Variants in SF3A1 observed in about 807,000 individuals in gnomAD.
SF3A1 encodes the protein splicing factor 3a subunit 1, also known as SAP 114.
Under a neutral mutation model 89.9 loss-of-function variants are expected in SF3A1, and 13 were observed. The observed-to-expected ratio is 0.14, with a 90% CI of 0.09 to 0.23. The LOEUF is 0.23. Ranked by LOEUF, SF3A1 falls within the 10% of genes least tolerant of loss-of-function variation. SF3A1 has a pLI of 1.00. For missense variants in SF3A1, 604 were observed against 1,022.1 expected (o/e 0.59, Z 5.58); for synonymous variants, 405 against 374.4 (o/e 1.08, Z -0.94).
intron 1 of SF3A1, among the ~76,000 whole-genome samples, chr22:30,355,443 C>T (rs544008425): frequency 1.3e-5 from 2 of 152,330 alleles, no homozygotes; most frequent in South Asian, 4.1e-4. Flanking sequence ...GCCCTAATCT[C>T]GGCCAGGCCT....
Position 30,346,453 on chromosome 22 carries a change from C to G in SF3A1, c.252G>C (p.Leu84=), listed in dbSNP as rs775458438. ...NEINNPKFNF[L]NPNDPYHAYY... ...AGGCATGGTAAGGGTCATTGGGGTTCAGAAAGTTGAACTTGGGGTTGTTGA... is the reference window on the plus strand; with the variant it reads ...AGGCATGGTAAGGGTCATTGGGGTTGAGAAAGTTGAACTTGGGGTTGTTGA... The change falls in exon 3 of 16, where the codon CTG becomes CTC. Residue 84 remains leucine, a synonymous_variant. Transcript: ENST00000215793. 5 of 1,613,966 alleles carry G rather than the reference C, an allele frequency of 3.1e-6. No homozygotes were observed. The highest frequency in any genetic ancestry group is 4.2e-6 in the Non-Finnish European group (5 of 1,180,020).
In SF3A1 at chr22:30,349,231, T is replaced by C. The variant is rs145746336; in HGVS notation, c.186-2712A>G. On this transcript the variant is annotated intron_variant, in intron 2 of 15. Coordinates refer to ENST00000215793, the MANE Select transcript of SF3A1 (RefSeq NM_005877.6). ...CAGAGTTCTGCATGCCTGCTTTAAC[T>C]CGGATATTGGTCTCTTTGTTGCAAT... 5.5e-4 allele frequency among the ~76,000 whole-genome samples: 84 copies of C among 152,234 alleles called. 1 individual carries two copies. Among genetic ancestry groups the C allele is most frequent in the Non-Finnish European group, 1.1e-3 (76 of 68,046 alleles).
chr22:30,337,211 G>A (rs1161071774), intron 12 of SF3A1, 31 bp from the exon 13 acceptor site: 2 of 1,576,932 alleles, frequency 1.3e-6, no homozygotes, highest in Admixed American at 3.7e-5. Context: ...AGCCCCATGA[G>A]AGGGCAGAAG....
At position 30,332,367 on chromosome 22, in the gene SF3A1, A is replaced by C. The variant is rs10376; in HGVS notation, c.*2227T>G. 0.88 allele frequency: 133,249 copies of C among 152,248 alleles called. 58,674 individuals carry two copies. Among genetic ancestry groups the C allele is most frequent in the African/African-American group, 0.97 (40,180 of 41,554 alleles). 9.4% of individuals were successfully genotyped at this position (152,248 alleles called of 1,614,324 possible). ...AAAATTATGGTGACTTAAGTCCCAC[A>C]CCACCTGTTTTCCCAGCAGTCCTGC... On this transcript the variant is annotated 3_prime_UTR_variant, in exon 16 of 16. Transcript: ENST00000215793.
chr22:30,339,358 G>T, intron 9 of SF3A1, 107 bp from the exon 10 acceptor site: 1 of 1,397,984 alleles, frequency 7.2e-7, no homozygotes, highest in Non-Finnish European at 9.9e-7. Context: ...GGTTCCATGG[G>T]ATGAGGGTGA....
At chr22:30,353,795 T>C (rs1026847666) in intron 1 of SF3A1, among the ~76,000 whole-genome samples, 2 of 152,056 alleles carry the variant, frequency 1.3e-5, no homozygotes, top group African/African-American at 2.4e-5. Flanking sequence ...TTTAATCCGG[T>C]GTCTGAGGAG....
At chr22:30,344,841 T>A in intron 4 of SF3A1, 92 bp downstream of exon 4, 3 of 1,438,876 alleles carry the variant, frequency 2.1e-6, no homozygotes, top group Non-Finnish European at 2.8e-6. Context: ...AGAAGCGATG[T>A]CCTTGTAGAC....
intron 3 of SF3A1, 136 bp from the exon 4 acceptor site, chr22:30,345,326 C>A: frequency 3.9e-6 from 3 of 771,642 alleles, no homozygotes; most frequent in Non-Finnish European, 6.4e-6. Flanking sequence ...TATGCACACA[C>A]CACTAGCACT....
Position 30,332,132 on chromosome 22 carries a change from G to GT in SF3A1, c.*2461dup, listed in dbSNP as rs1249038515. 2.0e-5 allele frequency: 3 copies of GT among 152,146 alleles called. No individual in the cohort carries two copies. The highest frequency in any genetic ancestry group is 4.4e-5 in the Non-Finnish European group (3 of 68,038). 9.4% of individuals were successfully genotyped at this position (152,146 alleles called of 1,614,324 possible). ...TGAAATATGATTGCTAATAGTACAT[G>GT]TATTTCCATTCAAGTATATATCCTA... is the stretch of plus-strand genomic sequence containing the variant. On this transcript the variant is annotated 3_prime_UTR_variant, in exon 16 of 16. Coordinates refer to ENST00000215793, the MANE Select transcript of SF3A1 (RefSeq NM_005877.6).
chr22:30,347,006 A>G (rs913159633), intron 2 of SF3A1, among the ~76,000 whole-genome samples: 1 of 152,222 alleles, frequency 6.6e-6, no homozygotes, highest in Non-Finnish European at 1.5e-5. Flanking sequence ...CAAGTGCTGG[A>G]GAGGTGTAAA....
chr22:30,341,735 G>A lies in SF3A1; in HGVS notation c.1028C>T (p.Pro343Leu), dbSNP rs774689787. The A allele has an allele frequency of 6.2e-7, 1 of 1,614,018 alleles. No homozygotes were observed. Among genetic ancestry groups the A allele is most frequent in the African/African-American group, 1.3e-5 (1 of 74,916 alleles). ...DDKQEKAEEPPSQLDQDTQVQ... is the reference protein window; with the variant it reads ...DDKQEKAEEPLSQLDQDTQVQ... ...TTGGGTGTCCTGGTCCAGCTGGGAAGGAGGCTCCTCCGCCTTCTCCTGTTT... is the reference window on the plus strand; with the variant it reads ...TTGGGTGTCCTGGTCCAGCTGGGAAAGAGGCTCCTCCGCCTTCTCCTGTTT... Residue 343 changes from proline (P) to leucine (L), a missense_variant, in exon 7 of 16, where the codon CCT becomes CTT. By Grantham distance (98) the Pro-to-Leu change is moderately conservative. This residue lies in a region of SF3A1 where 146 missense variants were observed against 228.5 expected (regional missense o/e 0.64). Coordinates refer to ENST00000215793, the MANE Select transcript of SF3A1 (RefSeq NM_005877.6).
At chr22:30,346,062 C>A (rs769593684) in intron 3 of SF3A1, among the ~76,000 whole-genome samples, 2 of 152,182 alleles carry the variant, frequency 1.3e-5, no homozygotes, top group African/African-American at 2.4e-5. Flanking sequence ...CTCATACAGC[C>A]TCTGTGAGGA....
chr22:30,354,519 G>T (rs1463313191), intron 1 of SF3A1, among the ~76,000 whole-genome samples: 1 of 151,896 alleles, frequency 6.6e-6, no homozygotes, highest in Non-Finnish European at 1.5e-5. Flanking sequence ...CACTCCCACC[G>T]CCCAATTCTG....
chr22:30,339,111 G>C lies in SF3A1; in HGVS notation c.1497+19C>G. The C allele has an allele frequency of 6.2e-7, 1 of 1,614,078 alleles. No homozygotes were observed. The highest frequency in any genetic ancestry group is 8.5e-7 in the Non-Finnish European group (1 of 1,180,036). On this transcript the variant is annotated intron_variant, in intron 10 of 15. Transcript: ENST00000215793. ...AAGACGGGGGGCAGAGAAGGCACTAGGTTCCACTTTAGCCGCACCTTTTCC... is the reference window on the plus strand; with the variant it reads ...AAGACGGGGGGCAGAGAAGGCACTACGTTCCACTTTAGCCGCACCTTTTCC...
intron 11 of SF3A1, 106 bp downstream of exon 11, chr22:30,338,683 C>G (rs1261222290): frequency 7.0e-7 from 1 of 1,422,006 alleles, no homozygotes; most frequent in Admixed American, 1.8e-5. Flanking sequence ...CTGACCCACC[C>G]AACACTCAGG....
Position 30,352,735 on chromosome 22 carries a change from G to A in SF3A1, c.185+216C>T, listed in dbSNP as rs1230653951. Reference sequence around the variant, plus strand: ...AGTTTTAGAAGCAGAGGCTCCTGGTGACTGTGGGGCTAAGTGTGATTCTCA... The same window carrying A: ...AGTTTTAGAAGCAGAGGCTCCTGGTAACTGTGGGGCTAAGTGTGATTCTCA... On this transcript the variant is annotated intron_variant, in intron 2 of 15. Transcript: ENST00000215793. The A allele has an allele frequency of 1.1e-4, 49 of 446,802 alleles. No homozygotes were observed. In the East Asian group the frequency reaches 1.8e-3, roughly 16 times the overall value. 27.7% of individuals were successfully genotyped at this position (446,802 alleles called of 1,614,324 possible).
intron 3 of SF3A1, among the ~76,000 whole-genome samples, chr22:30,346,043 C>G (rs745652914): frequency 4.6e-5 from 7 of 152,196 alleles, no homozygotes; most frequent in Non-Finnish European, 7.3e-5. Flanking sequence ...TCCCCCAACT[C>G]TCAGGTTCCT....
rs1931854436 is a variant in SF3A1 at position 30,356,536 on chromosome 22, G to A, written c.63+194C>T. ...GCTCGTGCCGACGGGGCTGCTCCGC[G>A]GACCACTTAGAGAATCCCGTTCAGG... On this transcript the variant is annotated intron_variant, in intron 1 of 15. Transcript: ENST00000215793. The A allele has an allele frequency of 7.1e-6, 3 of 420,382 alleles. No homozygotes were observed. The South Asian group carries it at 2.7e-4, about 38-fold the overall frequency. 26.0% of individuals were successfully genotyped at this position (420,382 alleles called of 1,614,324 possible).
chr22:30,338,368 G>C (rs556417357), intron 11 of SF3A1, among the ~76,000 whole-genome samples: 19 of 150,930 alleles, frequency 1.3e-4, no homozygotes, highest in Non-Finnish European at 2.4e-4. Context: ...TGAGGCACGA[G>C]AATCACTTGA....
Sources: allele counts gnomAD v4.1 joint callset (sites outside exome capture counted in the v4.1 genomes callset), GRCh38; gene constraint gnomAD v4.1.1; regional missense constraint gnomAD v4.1.1; transcripts MANE v1.5; gene names NCBI Gene and HGNC (gene_info 2026-07-23, HGNC 2026-07-21).